Variants in IMMP1L observed in about 807,000 individuals in gnomAD.
The protein encoded by IMMP1L is inner mitochondrial membrane peptidase subunit 1, also known as mitochondrial inner membrane protease subunit 1.
IMMP1L carries 24 observed loss-of-function variants against 21.8 expected under a neutral mutation model. That is an observed-to-expected ratio of 1.10 (90% CI 0.80 to 1.55). The LOEUF is 1.55. IMMP1L is among the 40% of genes most tolerant of loss of function. The probability of loss-of-function intolerance (pLI) is 0.00; values close to 1 mark genes in which losing one functional copy is unlikely to be tolerated. For missense variants in IMMP1L, 195 were observed against 200.7 expected, an observed-to-expected ratio of 0.97 and a Z score of 0.17; for synonymous variants, 46 against 62.8, an observed-to-expected ratio of 0.73 and a Z score of 1.26.
At chr11:31,474,050 AAGTT>A (rs1269409160) in intron 1 of IMMP1L, among the ~76,000 whole-genome samples, 1 of 152,176 alleles carries the variant, frequency 6.6e-6, no homozygotes, top group Non-Finnish European at 1.5e-5. Context: ...GAGCAGAAAC[AAGTT>A]AGATAGGGAA....
chr11:31,462,631 A>C (rs1193166958), intron 2 of IMMP1L, among the ~76,000 whole-genome samples: 4 of 152,180 alleles, frequency 2.6e-5, no homozygotes, highest in Admixed American at 2.6e-4. Context: ...TCTTAATTAC[A>C]GATGATTAAT....
At chr11:31,483,181 T>G (rs1187468979) in intron 1 of IMMP1L, among the ~76,000 whole-genome samples, 2 of 152,090 alleles carry the variant, frequency 1.3e-5, no homozygotes, top group East Asian at 3.9e-4. Flanking sequence ...GAAGGGTGCA[T>G]GAAGGTGTCT....
intron 1 of IMMP1L, among the ~76,000 whole-genome samples, chr11:31,500,069 C>T (rs1178725425): frequency 2.0e-5 from 3 of 152,058 alleles, no homozygotes; most frequent in African/African-American, 7.2e-5. Context: ...TATTAGAGAA[C>T]GACTGGTCTG....
intron 4 of IMMP1L, among the ~76,000 whole-genome samples, chr11:31,443,027 A>C (rs1953394154): frequency 6.6e-6 from 1 of 152,180 alleles, no homozygotes; most frequent in South Asian, 2.1e-4. Flanking sequence ...ATGTCATTTT[A>C]GTCCAATAAT....
chr11:31,486,046 CT>C (rs1277553806), intron 1 of IMMP1L, among the ~76,000 whole-genome samples: 10 of 150,742 alleles, frequency 6.6e-5, no homozygotes, highest in East Asian at 3.9e-4. Context: ...AGATGTGAAA[CT>C]TTTTTTTCCC....
At chr11:31,441,594 T>C (rs1953332326) in intron 4 of IMMP1L, among the ~76,000 whole-genome samples, 3 of 152,206 alleles carry the variant, frequency 2.0e-5, no homozygotes, top group Admixed American at 2.0e-4. Context: ...CAGAACATTT[T>C]CTTTCTAACT....
At chr11:31,433,642 C>A in intron 4 of IMMP1L, 72 bp from the exon 5 acceptor site, 1 of 871,130 alleles carries the variant, frequency 1.1e-6, no homozygotes, top group Non-Finnish European at 1.8e-6. Flanking sequence ...AAAAGCATGT[C>A]ATTCAGAGGT....
At position 31,433,469 on chromosome 11, in the gene IMMP1L, G is replaced by C; in HGVS notation, c.423C>G (p.Ile141Met). 6.4e-7 allele frequency: 1 copy of C among 1,565,096 alleles called. No individual in the cohort carries two copies. The part of the protein sequence containing the change: ...PIPYGLIRGR[I>M]FFKIWPLSDF... The stretch of plus-strand genomic sequence containing the variant: ...AAGCAGAAAATGGTACCTTAAAGAA[G>C]ATTCGTCCTCTTATTAGTCCATATG... Residue 141 changes from isoleucine to methionine, a missense_variant, in exon 5 of 6, where the codon ATC (isoleucine) becomes ATG (methionine). Transcript: ENST00000532287.
chr11:31,441,992 C>T (rs1418919244), intron 4 of IMMP1L, among the ~76,000 whole-genome samples: 1 of 152,128 alleles, frequency 6.6e-6, no homozygotes, highest in East Asian at 1.9e-4. Flanking sequence ...TGAATGAATG[C>T]ATAAGACTGA....
intron 4 of IMMP1L, among the ~76,000 whole-genome samples, chr11:31,446,841 T>C (rs1282583385): frequency 1.3e-5 from 2 of 152,236 alleles, no homozygotes; most frequent in African/African-American, 4.8e-5. Context: ...ATACTGTAAT[T>C]TCATCTATTC....
chr11:31,492,039 G>A (rs899705444), intron 1 of IMMP1L, among the ~76,000 whole-genome samples: 1 of 152,154 alleles, frequency 6.6e-6, no homozygotes, highest in Admixed American at 6.5e-5. Flanking sequence ...AAAGACACCA[G>A]TTGCCATTAT....
intron 1 of IMMP1L, among the ~76,000 whole-genome samples, chr11:31,479,236 A>G (rs1006413410): frequency 1.3e-5 from 2 of 152,064 alleles, no homozygotes; most frequent in East Asian, 1.9e-4. Flanking sequence ...TTTGCCGACA[A>G]TTTTTGAGGA....
chr11:31,498,875 T>C (rs1196715406), intron 1 of IMMP1L, among the ~76,000 whole-genome samples: 1 of 152,184 alleles, frequency 6.6e-6, no homozygotes, highest in Non-Finnish European at 1.5e-5. Context: ...GGGACTACAA[T>C]AGGCATTCAA....
intron 4 of IMMP1L, among the ~76,000 whole-genome samples, chr11:31,454,468 A>AAAAAC (rs1953872171): frequency 6.6e-6 from 1 of 151,104 alleles, no homozygotes; most frequent in Non-Finnish European, 1.5e-5. Context: ...AAAAAAAAAA[A>AAAAAC]AAAAAAACTG....
chr11:31,474,796 C>A (rs1426410294), intron 1 of IMMP1L, among the ~76,000 whole-genome samples: 1 of 152,164 alleles, frequency 6.6e-6, no homozygotes, highest in Non-Finnish European at 1.5e-5. Context: ...AATTTGACTG[C>A]AGCATCAAAA....
At chr11:31,462,420 A>G (rs1179768800) in intron 2 of IMMP1L, among the ~76,000 whole-genome samples, 1 of 151,836 alleles carries the variant, frequency 6.6e-6, no homozygotes, top group African/African-American at 2.4e-5. Flanking sequence ...AGTAAACCTA[A>G]TTTAAAAAAA....
chr11:31,500,612 A>ACACACACAC lies in IMMP1L; in HGVS notation c.-30+8906_-30+8907insGTGTGTGTG, dbSNP rs1491094510. On this transcript the variant is annotated intron_variant, in intron 1 of 5. Coordinates refer to ENST00000532287, the MANE Select transcript of IMMP1L (RefSeq NM_001304274.2). ...ACATATGCACACACACACACACACA[A>ACACACACAC]ACACACACACACACACTCCCCAAAG... is the stretch of plus-strand genomic sequence containing the variant. Among the ~76,000 whole-genome samples the ACACACACAC allele has an allele frequency of 8.7e-3, 1,260 of 145,190 alleles. 11 individuals are homozygous for ACACACACAC. The highest frequency in any genetic ancestry group is 0.02 in the South Asian group (92 of 4,606).
chr11:31,473,068 G>A (rs181079931), intron 1 of IMMP1L, among the ~76,000 whole-genome samples: 1 of 151,226 alleles, frequency 6.6e-6, no homozygotes, highest in Non-Finnish European at 1.5e-5. Context: ...TTGTTTTTTT[G>A]AGACGGAGTC....
At chr11:31,438,308 AT>A (rs1026638829) in intron 4 of IMMP1L, among the ~76,000 whole-genome samples, 2 of 152,096 alleles carry the variant, frequency 1.3e-5, no homozygotes, top group Non-Finnish European at 2.9e-5. Flanking sequence ...TGATGAAAGC[AT>A]TTTTCCATTA....
Sources: allele counts gnomAD v4.1 joint callset (sites outside exome capture counted in the v4.1 genomes callset), GRCh38; gene constraint gnomAD v4.1.1; transcripts MANE v1.5; gene names NCBI Gene and HGNC (gene_info 2026-07-23, HGNC 2026-07-21).